GAS2L3: variants seen among roughly 807,000 people sequenced by gnomAD.
GAS2L3 encodes the protein growth arrest specific 2 like 3, also known as GAS2-like protein 3.
Under a neutral mutation model 37.0 loss-of-function variants are expected in GAS2L3, and 28 were observed. The observed-to-expected ratio is 0.76, with a 90% CI of 0.56 to 1.04. The LOEUF (loss-of-function observed/expected upper bound fraction) is 1.04. GAS2L3 is among the 50% of genes least tolerant of loss of function. The probability of loss-of-function intolerance (pLI) is 0.00; values close to 1 mark genes in which losing one functional copy is unlikely to be tolerated. For missense variants in GAS2L3, 793 were observed against 817.6 expected (o/e 0.97, Z 0.37); for synonymous variants, 290 against 296.6 (o/e 0.98, Z 0.23).
chr12:100,606,165 C>G lies in GAS2L3; in HGVS notation c.303+4412C>G, dbSNP rs370247486. ...TTAATATTTGCTTTATTTATCTGAG[C>G]GCTCTAGCATTGGGTGCATATATAT... On this transcript the variant is annotated intron_variant, in intron 5 of 9. Transcript: ENST00000547754. Among the ~76,000 whole-genome samples the G allele has an allele frequency of 7.2e-5, 11 of 151,912 alleles. No homozygotes were observed. The South Asian group carries it at 1.9e-3, about 26-fold the overall frequency.
chr12:100,601,693 A>G lies in GAS2L3; in HGVS notation c.243A>G (p.Leu81=), dbSNP rs771373889. The part of the protein sequence containing the change: ...LLEELDNGVL[L]CQLIDVLQNM... ...AAGAACTTGATAATGGAGTACTATT[A>G]TGTCAACTGATTGATGTTCTTCAAA... The change falls in exon 5 of 10, where the codon TTA becomes TTG. Residue 81 remains leucine (L), a synonymous_variant. Transcript: ENST00000547754. 6.2e-7 allele frequency: 1 copy of G among 1,606,010 alleles called. No homozygotes were observed. Among genetic ancestry groups the G allele is most frequent in the Non-Finnish European group, 8.5e-7 (1 of 1,174,658 alleles).
rs1200207786 is a variant in GAS2L3 at position 100,624,662 on chromosome 12, CCA to C, written c.1858_1859del (p.Gln620ValfsTer17). The C allele has an allele frequency of 1.2e-6, 2 of 1,613,982 alleles. No homozygotes were observed. The highest frequency in any genetic ancestry group is 1.7e-6 in the Non-Finnish European group (2 of 1,180,036). On this transcript the variant is annotated frameshift_variant, in exon 10 of 10. Coordinates refer to ENST00000547754, the MANE Select transcript of GAS2L3 (RefSeq NM_174942.3). LOFTEE classifies it low-confidence loss of function (END_TRUNC). ...CCCCACTGTCCATCGTGAGCCTACC[CCA>C]GTCTTCTACCAAAACACAAACTGCA... ...RTPLSIVSLP[Q>X]SSTKTQTAPK...
At chr12:100,596,495 A>G (rs1955913926) in intron 3 of GAS2L3, among the ~76,000 whole-genome samples, 1 of 151,892 alleles carries the variant, frequency 6.6e-6, no homozygotes, top group Non-Finnish European at 1.5e-5. Flanking sequence ...TTCCAAGACT[A>G]TCCTCCCTTC....
rs926618940 is a variant in GAS2L3 at position 100,624,386 on chromosome 12, A to C, written c.1581A>C (p.Lys527Asn). The change falls in exon 10 of 10, where the codon AAA (lysine) becomes AAC (asparagine). Residue 527 changes from lysine to asparagine, a missense_variant. By Grantham distance (94) the Lys-to-Asn change is moderately conservative. Coordinates refer to ENST00000547754, the MANE Select transcript of GAS2L3 (RefSeq NM_174942.3). ...SSAKMTKTSSKTIATGLGTQS... is the reference protein window; with the variant it reads ...SSAKMTKTSSNTIATGLGTQS... ...CAAAAATGACAAAAACCAGTTCCAA[A>C]ACCATAGCCACGGGTCTAGGAACAC... is the stretch of plus-strand genomic sequence containing the variant. 6.2e-7 allele frequency: 1 copy of C among 1,613,828 alleles called. No homozygotes were observed. The highest frequency in any genetic ancestry group is 1.3e-5 in the African/African-American group (1 of 74,886).
rs143386607 is a variant in GAS2L3 at position 100,623,718 on chromosome 12, C to T, written c.913C>T (p.Pro305Ser). The T allele has an allele frequency of 1.5e-4, 244 of 1,613,908 alleles. 1 individual carries two copies. In the African/African-American group the frequency reaches 3.0e-3, roughly 20 times the overall value. Residue 305 changes from proline (P) to serine (S), a missense_variant, in exon 10 of 10, where the codon CCT becomes TCT. Coordinates refer to ENST00000547754, the MANE Select transcript of GAS2L3 (RefSeq NM_174942.3). Reference sequence around the variant, plus strand: ...AAAAGGAGTTTCTAATGAAAGTGTACCTGATTCGCCTGCCAGAACACCTCA... The same window carrying T: ...AAAAGGAGTTTCTAATGAAAGTGTATCTGATTCGCCTGCCAGAACACCTCA... ...FQKGVSNESV[P>S]DSPARTPQPP...
In GAS2L3 at chr12:100,622,377, A is replaced by G. The variant is rs1167661724; in HGVS notation, c.751A>G (p.Ile251Val). ...RYRLGDKILF[I>V]RMLHGKHVMV... ...CCGACTAGGGGATAAAATACTCTTT[A>G]TAAGAGTAAGTCCATTATTTACACT... Residue 251 changes from isoleucine (I) to valine (V), a missense_variant, in exon 9 of 10, where the codon ATA becomes GTA. Physicochemically the swap from Ile to Val is conservative, Grantham distance 29. Coordinates refer to ENST00000547754, the MANE Select transcript of GAS2L3 (RefSeq NM_174942.3). 2.1e-6 allele frequency: 3 copies of G among 1,425,158 alleles called. No homozygotes were observed. Among genetic ancestry groups the G allele is most frequent in the East Asian group, 4.6e-5 (2 of 43,788 alleles). The allele number at this position is 1,425,158 out of a possible 1,614,324, so 88.3% of individuals were successfully genotyped here.
chr12:100,587,553 T>C (rs1392064227), intron 1 of GAS2L3, among the ~76,000 whole-genome samples: 1 of 152,194 alleles, frequency 6.6e-6, no homozygotes, highest in Non-Finnish European at 1.5e-5. Context: ...ATTAAAACTC[T>C]CAGCAAAATC....
At position 100,600,464 on chromosome 12, in the gene GAS2L3, A is replaced by T; in HGVS notation, c.101A>T (p.Gln34Leu). 6.2e-7 allele frequency: 1 copy of T among 1,613,154 alleles called. No homozygotes were observed. Among genetic ancestry groups the T allele is most frequent in the South Asian group, 1.1e-5 (1 of 91,040 alleles). Residue 34 changes from glutamine (Q) to leucine (L), a missense_variant, in exon 4 of 10, where the codon CAG (glutamine) becomes CTG (leucine). By Grantham distance (113) the Gln-to-Leu change is moderately radical (BLOSUM62 -2). Transcript: ENST00000547754. ...RHGPGLANVC[Q>L]YDEWIAVRHE... ...GGACCAGGATTGGCTAATGTTTGTC[A>T]GTACGATGAGTGGATAGCTGTGAGG...
At chr12:100,605,306 C>A (rs1956042876) in intron 5 of GAS2L3, among the ~76,000 whole-genome samples, 1 of 151,518 alleles carries the variant, frequency 6.6e-6, no homozygotes, top group Non-Finnish European at 1.5e-5. Context: ...CATACAGTTG[C>A]TCAGTATGAT....
Position 100,616,972 on chromosome 12 carries a change from A to G in GAS2L3, c.446-772A>G, listed in dbSNP as rs1421765731. On this transcript the variant is annotated intron_variant, in intron 6 of 9. Coordinates refer to ENST00000547754, the MANE Select transcript of GAS2L3 (RefSeq NM_174942.3). ...GTGGGTTTTTCCTAGATGCCCTTTT[A>G]TCAGATTGAGAAACTTTCTTTTTTC... Among the ~76,000 whole-genome samples the G allele has an allele frequency of 4.0e-5, 6 of 149,668 alleles. No homozygotes were observed. The South Asian group carries it at 1.3e-3, about 31-fold the overall frequency.
intron 1 of GAS2L3, chr12:100,579,653 T>A: frequency 1.3e-6 from 1 of 778,530 alleles, no homozygotes; most frequent in Admixed American, 1.7e-5. Flanking sequence ...AAGGACATAT[T>A]TTTCTTAATA....
intron 6 of GAS2L3, 21 bp from the exon 7 acceptor site, chr12:100,617,723 A>T: frequency 2.7e-6 from 4 of 1,505,436 alleles, no homozygotes; most frequent in Non-Finnish European, 3.7e-6. Flanking sequence ...TGTATAAAAT[A>T]AGTGGTTTTA....
chr12:100,599,661 T>C (rs191562869), intron 3 of GAS2L3, among the ~76,000 whole-genome samples: 140 of 109,004 alleles, frequency 1.3e-3, no homozygotes, highest in African/African-American at 3.7e-3. Flanking sequence ...CATTCATTCA[T>C]TTATTCATTC....
At chr12:100,590,331 A>G (rs375383471) in intron 1 of GAS2L3, among the ~76,000 whole-genome samples, 28 of 152,302 alleles carry the variant, frequency 1.8e-4, no homozygotes, top group African/African-American at 6.5e-4. Flanking sequence ...CAGTATCACT[A>G]ATGATCAGGG....
chr12:100,595,313 AAT>A (rs1406915549), intron 3 of GAS2L3, among the ~76,000 whole-genome samples: 2 of 151,846 alleles, frequency 1.3e-5, no homozygotes, highest in Non-Finnish European at 2.9e-5. Flanking sequence ...AGTGAAAACA[AAT>A]ATATGTTTTT....
At chr12:100,604,888 T>C (rs1272110698) in intron 5 of GAS2L3, among the ~76,000 whole-genome samples, 1 of 152,144 alleles carries the variant, frequency 6.6e-6, no homozygotes, top group Non-Finnish European at 1.5e-5. Flanking sequence ...GTTGATAAGA[T>C]GTATCACACT....
At chr12:100,615,705 T>C (rs917476619) in intron 6 of GAS2L3, among the ~76,000 whole-genome samples, 2 of 152,216 alleles carry the variant, frequency 1.3e-5, no homozygotes, top group Non-Finnish European at 2.9e-5. Context: ...TTCTTTTGCA[T>C]GTGGATGTCC....
chr12:100,592,065 A>C (rs1955852779), intron 2 of GAS2L3, among the ~76,000 whole-genome samples: 2 of 152,196 alleles, frequency 1.3e-5, no homozygotes. Context: ...TTTGACATAC[A>C]GAAAGGCATA....
intron 1 of GAS2L3, among the ~76,000 whole-genome samples, chr12:100,585,545 C>T (rs762084572): frequency 6.6e-6 from 1 of 152,230 alleles, no homozygotes; most frequent in East Asian, 1.9e-4. Context: ...TGAGCCACCA[C>T]ACCCAGCCAA....
Sources: gnomAD v4.1 joint callset for allele counts (sites outside exome capture counted in the v4.1 genomes callset) on GRCh38, gnomAD v4.1.1 for gene constraint, MANE v1.5 for transcripts, NCBI Gene and HGNC (gene_info 2026-07-23, HGNC 2026-07-21) for gene names.